FTO: variants seen among roughly 807,000 people sequenced by gnomAD.
FTO encodes alpha-ketoglutarate-dependent dioxygenase FTO.
A neutral mutation model predicts 63.9 loss-of-function variants in FTO; 47 were observed. The ratio of observed to expected loss-of-function variants is 0.74; its 90% confidence interval spans 0.58 to 0.94. The LOEUF is 0.94. FTO is among the 40% of genes least tolerant of loss of function. FTO has a pLI of 0.00. For synonymous variants in FTO, 207 were observed against 224.4 expected, an observed-to-expected ratio of 0.92 and a Z score of 0.69; for missense variants, 562 against 618.1, an observed-to-expected ratio of 0.91 and a Z score of 0.96.
At chr16:53,746,219 C>T (rs564377070) in intron 1 of FTO, among the ~76,000 whole-genome samples, 177 of 152,246 alleles carry the variant, frequency 1.2e-3, no homozygotes, top group Non-Finnish European at 2.2e-3. Flanking sequence ...ATTTCCTGGT[C>T]AAGACATTAG....
chr16:54,038,760 C>T (rs916944330), intron 8 of FTO, among the ~76,000 whole-genome samples: 31 of 152,204 alleles, frequency 2.0e-4, no homozygotes, highest in African/African-American at 6.3e-4. Context: ...GTACCCTCTT[C>T]GCCTTCTGCC....
intron 7 of FTO, among the ~76,000 whole-genome samples, chr16:53,907,098 G>A (rs1375663381): frequency 4.6e-5 from 7 of 152,118 alleles, no homozygotes; most frequent in African/African-American, 1.2e-4. Flanking sequence ...TCATTAATGG[G>A]TTCCACTTGC....
At chr16:53,860,726 A>G (rs1176672176) in intron 4 of FTO, among the ~76,000 whole-genome samples, 3 of 151,978 alleles carry the variant, frequency 2.0e-5, no homozygotes, top group African/African-American at 7.3e-5. Context: ...CCATGATCCA[A>G]TCACCTCCCA....
chr16:54,020,773 T>C (rs1348810618), intron 8 of FTO, among the ~76,000 whole-genome samples: 2 of 151,950 alleles, frequency 1.3e-5, no homozygotes, highest in African/African-American at 4.8e-5. Context: ...GGAGTTCGAG[T>C]CCAGCCTGGC....
rs781495764 is a variant in FTO at position 53,888,871 on chromosome 16, A to G, written c.1159A>G (p.Asn387Asp). The G allele has an allele frequency of 1.2e-6, 2 of 1,614,094 alleles. No homozygotes were observed. Among genetic ancestry groups the G allele is most frequent in the Non-Finnish European group, 1.7e-6 (2 of 1,179,956 alleles). ...GCTGAGGCAGTTTTGGTTTCAAGGC[A>G]ATCGATACAGAAAGTGCACTGACTG... is the stretch of plus-strand genomic sequence containing the variant. ...EWLRQFWFQG[N>D]RYRKCTDWWC... Residue 387 changes from asparagine (N) to aspartate (D), a missense_variant, in exon 7 of 9, where the codon AAT becomes GAT. Physicochemically the swap from Asn to Asp is conservative, Grantham distance 23 (BLOSUM62 1). Coordinates refer to ENST00000471389, the MANE Select transcript of FTO (RefSeq NM_001080432.3).
At chr16:53,983,247 AT>A (rs1395295329) in intron 8 of FTO, among the ~76,000 whole-genome samples, 1 of 152,092 alleles carries the variant, frequency 6.6e-6, no homozygotes, top group East Asian at 1.9e-4. Context: ...AACAAACTTA[AT>A]TTTGGAGGAA....
At chr16:53,851,067 T>G (rs958898677) in intron 4 of FTO, among the ~76,000 whole-genome samples, 13 of 152,114 alleles carry the variant, frequency 8.5e-5, no homozygotes, top group Non-Finnish European at 1.8e-4. Context: ...TGTCCAAATT[T>G]TTCTGAGACC....
At chr16:53,712,559 A>G (rs1375149745) in intron 1 of FTO, among the ~76,000 whole-genome samples, 2 of 152,250 alleles carry the variant, frequency 1.3e-5, no homozygotes, top group African/African-American at 4.8e-5. Flanking sequence ...ACTATCGAGT[A>G]ACAGTGAGTT....
intron 1 of FTO, among the ~76,000 whole-genome samples, chr16:53,720,520 C>T (rs2076011266): frequency 6.6e-6 from 1 of 151,126 alleles, no homozygotes; most frequent in Non-Finnish European, 1.5e-5. Flanking sequence ...TGTTTTGATA[C>T]ATATCGTGTA....
chr16:54,098,096 G>A lies in FTO; in HGVS notation c.1365-13666G>A, dbSNP rs1467106333. 2.6e-5 allele frequency among the ~76,000 whole-genome samples: 4 copies of A among 152,124 alleles called. No individual in the cohort carries two copies. In the East Asian group the frequency reaches 5.8e-4, roughly 22 times the overall value. ...GGGCAGAGAATCGGGGTCAGGAAAG[G>A]GTCCATCATGGAGGGCCCTGTGGAC... On this transcript the variant is annotated intron_variant, in intron 8 of 8. Coordinates refer to ENST00000471389, the MANE Select transcript of FTO (RefSeq NM_001080432.3).
In FTO at chr16:54,042,056, A is replaced by G. The variant is rs1240238549; in HGVS notation, c.1365-69706A>G. 2.0e-5 allele frequency among the ~76,000 whole-genome samples: 3 copies of G among 152,186 alleles called. No individual in the cohort carries two copies. The East Asian group carries it at 5.8e-4, about 29-fold the overall frequency. ...TGGGAAAGAGAAAGGAATATGTCCTAGGTTTGTCCAATGGTATCAGGAATA... is the reference window on the plus strand; with the variant it reads ...TGGGAAAGAGAAAGGAATATGTCCTGGGTTTGTCCAATGGTATCAGGAATA... On this transcript the variant is annotated intron_variant, in intron 8 of 8. Transcript: ENST00000471389.
chr16:53,849,594 G>A (rs2079727973), intron 4 of FTO, among the ~76,000 whole-genome samples: 1 of 152,184 alleles, frequency 6.6e-6, no homozygotes, highest in African/African-American at 2.4e-5. Context: ...CTTTGGTGGA[G>A]GCCAGCTTTA....
At chr16:54,018,742 G>A (rs759870635) in intron 8 of FTO, among the ~76,000 whole-genome samples, 45 of 152,274 alleles carry the variant, frequency 3.0e-4, no homozygotes, top group Non-Finnish European at 4.1e-4. Flanking sequence ...GAAGAAGAAT[G>A]TGTTTGCTTC....
chr16:53,995,092 A>C (rs566622368), intron 8 of FTO, among the ~76,000 whole-genome samples: 33 of 152,286 alleles, frequency 2.2e-4, no homozygotes, highest in African/African-American at 6.5e-4. Flanking sequence ...GCCCTGTTGG[A>C]ATCCTTCTGC....
At chr16:53,939,553 C>T (rs935313832) in intron 8 of FTO, among the ~76,000 whole-genome samples, 1 of 152,144 alleles carries the variant, frequency 6.6e-6, no homozygotes, top group Non-Finnish European at 1.5e-5. Flanking sequence ...TTACCACTAT[C>T]CAATTCCAGA....
intron 8 of FTO, among the ~76,000 whole-genome samples, chr16:53,959,659 CTGTACAGCTCAGGAAA>C (rs2083022716): frequency 1.3e-5 from 2 of 152,262 alleles, no homozygotes; most frequent in Admixed American, 1.3e-4. Context: ...GTTAACTGTA[CTGTACAGCTCAGGAAA>C]CTGAGGCACA....
At chr16:53,704,563 T>C (rs1457011297) in intron 1 of FTO, among the ~76,000 whole-genome samples, 1 of 152,234 alleles carries the variant, frequency 6.6e-6, no homozygotes, top group Non-Finnish European at 1.5e-5. Flanking sequence ...CCAGCTGTGC[T>C]TTCTCATAAT....
At chr16:54,005,006 C>A (rs1032120312) in intron 8 of FTO, among the ~76,000 whole-genome samples, 9 of 150,036 alleles carry the variant, frequency 6.0e-5, no homozygotes, top group Non-Finnish European at 1.3e-4. Context: ...GGAGGCAGAG[C>A]TCACAGTGAG....
At chr16:53,861,202 T>C (rs776741685) in intron 4 of FTO, among the ~76,000 whole-genome samples, 2 of 152,200 alleles carry the variant, frequency 1.3e-5, no homozygotes, top group African/African-American at 4.8e-5. Context: ...TGAGGTATTA[T>C]GGTGTGGACA....
Sources: allele counts gnomAD v4.1 joint callset (sites outside exome capture counted in the v4.1 genomes callset), GRCh38; gene constraint gnomAD v4.1.1; transcripts MANE v1.5; gene names NCBI Gene and HGNC (gene_info 2026-07-23, HGNC 2026-07-21).